SLC9B1: variants seen among roughly 807,000 people sequenced by gnomAD.
The protein encoded by SLC9B1 is sodium/hydrogen exchanger 9B1.
Under a neutral mutation model 51.7 loss-of-function variants are expected in SLC9B1, and 32 were observed. The ratio of observed to expected loss-of-function variants is 0.62; its 90% CI spans 0.47 to 0.83. The LOEUF (loss-of-function observed/expected upper bound fraction) is 0.83. SLC9B1 is among the 40% of genes least tolerant of loss of function. The pLI is 0.00. For missense variants in SLC9B1, 406 were observed against 613.2 expected (o/e 0.66, Z 3.57); for synonymous variants, 145 against 212.7 (o/e 0.68, Z 2.77).
chr4:102,898,701 G>C (rs181049984), downstream of SLC9B1, among the ~76,000 whole-genome samples: 1 of 152,110 alleles, frequency 6.6e-6, no homozygotes, highest in Non-Finnish European at 1.5e-5. Flanking sequence ...ACAAAAAGTT[G>C]ATAAGAAACA....
At chr4:102,902,818 T>G (rs1473470895) in intron 11 of SLC9B1, among the ~76,000 whole-genome samples, 1 of 152,208 alleles carries the variant, frequency 6.6e-6, no homozygotes, top group Admixed American at 6.5e-5. Context: ...TTATTTACTC[T>G]CCTAATAGCT....
intron 6 of SLC9B1, among the ~76,000 whole-genome samples, chr4:102,937,641 C>A (rs1736789500): frequency 7.3e-6 from 1 of 137,782 alleles, no homozygotes; most frequent in African/African-American, 2.7e-5. Context: ...AGGAGAATCA[C>A]TTAACCCAGG....
Position 102,910,474 on chromosome 4 carries a change from T to C in SLC9B1, c.1051A>G (p.Ser351Gly), listed in dbSNP as rs1735284320. 1 of 1,558,180 alleles carries C rather than the reference T, an allele frequency of 6.4e-7. No homozygotes were observed. The highest frequency in any genetic ancestry group is 1.4e-5 in the African/African-American group (1 of 71,212). ...GSGGLCTLVLSFIAGTKWSQE... is the reference protein window; with the variant it reads ...GSGGLCTLVLGFIAGTKWSQE... ...GACCATTTTGTCCCTGCAATGAAAC[T>C]CAACACTAGTGTGCATAATCCTCCA... Residue 351 changes from serine to glycine, a missense_variant, in exon 9 of 12, where the codon AGT becomes GGT. By Grantham distance (56) the Ser-to-Gly change is moderately conservative. Coordinates refer to ENST00000296422, the MANE Select transcript of SLC9B1 (RefSeq NM_139173.4).
At chr4:102,944,851 A>C (rs980182272) in intron 6 of SLC9B1, among the ~76,000 whole-genome samples, 1 of 152,168 alleles carries the variant, frequency 6.6e-6, no homozygotes, top group African/African-American at 2.4e-5. Flanking sequence ...ATATATACAC[A>C]TACATATATA....
rs1313624592 is a variant in SLC9B1, at chr4:102,949,350, C to T, written c.289G>A (p.Gly97Arg). 1.2e-6 allele frequency: 2 copies of T among 1,610,584 alleles called. No homozygotes were observed. The highest frequency in any genetic ancestry group is 1.7e-6 in the Non-Finnish European group (2 of 1,179,326). The change falls in exon 4 of 12, where the codon GGG becomes AGG. Residue 97 changes from glycine (G) to arginine (R), a missense_variant. Coordinates refer to ENST00000296422, the MANE Select transcript of SLC9B1 (RefSeq NM_139173.4). The part of the protein sequence containing the change: ...SEALPGGNLF[G>R]LFIIFYSAII... ...GCACTATAAAAAATAATGAACAACC[C>T]AAATAAATTTCCACCAGGGAGAGCT... is the stretch of plus-strand genomic sequence containing the variant.
At chr4:102,931,949 C>T (rs891303257) in intron 7 of SLC9B1, among the ~76,000 whole-genome samples, 175 bp downstream of exon 7, 2 of 152,180 alleles carry the variant, frequency 1.3e-5, no homozygotes, top group Admixed American at 1.3e-4. Context: ...GTAGTGGTAT[C>T]TTAAGCCACT....
chr4:103,005,261 TAAA>T (rs111991015), intron 1 of SLC9B1, among the ~76,000 whole-genome samples: 75,739 of 135,476 alleles, frequency 0.56, 20,222 homozygotes, highest in African/African-American at 0.66. Context: ...CCAAGCAAAT[TAAA>T]AAAAAAAAAA....
intron 1 of SLC9B1, among the ~76,000 whole-genome samples, chr4:103,008,476 C>T (rs1397072562): frequency 6.6e-6 from 1 of 150,414 alleles, no homozygotes; most frequent in East Asian, 1.9e-4. Context: ...TGCAGTGGTG[C>T]GATCTGGGTT....
At chr4:102,949,831 C>T (rs755477745) in intron 3 of SLC9B1, among the ~76,000 whole-genome samples, 12 of 151,770 alleles carry the variant, frequency 7.9e-5, no homozygotes, top group East Asian at 1.9e-4. Context: ...CGTGGTGGTG[C>T]GTGCCTGTAA....
chr4:102,945,634 T>C (rs1020314287), intron 5 of SLC9B1, among the ~76,000 whole-genome samples: 4 of 152,252 alleles, frequency 2.6e-5, no homozygotes, highest in Admixed American at 2.6e-4. Context: ...TAGTGTCCTA[T>C]TAGTGTTTTC....
At chr4:102,958,317 G>A (rs1737910400) in intron 3 of SLC9B1, among the ~76,000 whole-genome samples, 2 of 152,142 alleles carry the variant, frequency 1.3e-5, no homozygotes, top group South Asian at 4.1e-4. Flanking sequence ...TATGTGACAT[G>A]TCTTTGCCTT....
At chr4:102,940,594 C>G (rs1736941714) in intron 6 of SLC9B1, among the ~76,000 whole-genome samples, 1 of 152,212 alleles carries the variant, frequency 6.6e-6, no homozygotes, top group Non-Finnish European at 1.5e-5. Flanking sequence ...AAGCCAAAAG[C>G]ATCACACTAC....
chr4:102,976,130 T>C (rs2110504838), intron 3 of SLC9B1, among the ~76,000 whole-genome samples: 1 of 152,226 alleles, frequency 6.6e-6, no homozygotes, highest in African/African-American at 2.4e-5. Flanking sequence ...TGATCATTGG[T>C]GTCAAAAGCT....
At chr4:102,993,279 A>C (rs61329414) in intron 1 of SLC9B1, among the ~76,000 whole-genome samples, 1 of 152,286 alleles carries the variant, frequency 6.6e-6, no homozygotes, top group African/African-American at 2.4e-5. Flanking sequence ...TCCTAGGTAC[A>C]ATGAGGGTAC....
chr4:102,924,797 T>G lies in SLC9B1; in HGVS notation c.829+7327A>C, dbSNP rs369858823. 7.2e-5 allele frequency among the ~76,000 whole-genome samples: 11 copies of G among 152,184 alleles called. No homozygotes were observed. In the South Asian group the frequency reaches 8.3e-4, roughly 11 times the overall value. On this transcript the variant is annotated intron_variant, in intron 7 of 11. Coordinates refer to ENST00000296422, the MANE Select transcript of SLC9B1 (RefSeq NM_139173.4). ...GACATCTATGCAGCCAACAGACACA[T>G]GAAAAAATGCTCATCATCACTGGCC...
chr4:102,907,175 G>C (rs1735098344), intron 9 of SLC9B1, among the ~76,000 whole-genome samples: 3 of 152,028 alleles, frequency 2.0e-5, no homozygotes. Context: ...ATACTATTTG[G>C]CCATTTTGTC....
intron 3 of SLC9B1, among the ~76,000 whole-genome samples, chr4:102,989,175 AT>A (rs1739817077): frequency 6.6e-6 from 1 of 152,076 alleles, no homozygotes; most frequent in Non-Finnish European, 1.5e-5. Flanking sequence ...GAAAATAAAA[AT>A]TTAAAACTTC....
intron 3 of SLC9B1, among the ~76,000 whole-genome samples, chr4:102,989,368 A>G (rs1273255209): frequency 1.3e-5 from 2 of 152,024 alleles, no homozygotes; most frequent in Non-Finnish European, 2.9e-5. Context: ...ATGCTTTAAA[A>G]TTGTAGTGGG....
At chr4:102,969,226 C>A (rs1256714831) in intron 3 of SLC9B1, among the ~76,000 whole-genome samples, 1 of 152,168 alleles carries the variant, frequency 6.6e-6, no homozygotes, top group Non-Finnish European at 1.5e-5. Flanking sequence ...GGGCAGAGCT[C>A]CTGGTAGGGA....
Sources: allele counts gnomAD v4.1 joint callset (sites outside exome capture counted in the v4.1 genomes callset), GRCh38; gene constraint gnomAD v4.1.1; transcripts MANE v1.5; gene names NCBI Gene and HGNC (gene_info 2026-07-23, HGNC 2026-07-21).